ZNF740: variants seen among roughly 807,000 people sequenced by gnomAD.
The protein encoded by ZNF740 is zinc finger protein 740, also known as oriLyt TD-element-binding protein 7.
ZNF740 carries 14 observed loss-of-function variants against 24.8 expected under a neutral mutation model. The ratio of observed to expected loss-of-function variants is 0.56; its 90% CI spans 0.37 to 0.88. The LOEUF (loss-of-function observed/expected upper bound fraction) is 0.88, where lower values mean the gene tolerates loss of function less well. Among genes scored for constraint, ZNF740 ranks in the 40% least tolerant of loss-of-function variants. The probability of loss-of-function intolerance (pLI) is 0.00; values close to 1 mark genes in which losing one functional copy is unlikely to be tolerated. For missense variants in ZNF740, 201 were observed against 247.9 expected (o/e 0.81, Z 1.27); for synonymous variants, 69 against 84.0 (o/e 0.82, Z 0.98).
rs377127380 is a variant in ZNF740, at chr12:53,184,150, T to TGCGC, written c.10-732_10-729dup. ...GTGTGTGTGTGTGTGTGTGTGTGTGTGCGCGCGCGCGCTCTGAAGCTAAGG... is the reference window on the plus strand; with the variant it reads ...GTGTGTGTGTGTGTGTGTGTGTGTGTGCGCGCGCGCGCGCGCTCTGAAGCTAAGG... On this transcript the variant is annotated intron_variant, in intron 2 of 6. Coordinates refer to ENST00000416904, the MANE Select transcript of ZNF740 (RefSeq NM_001004304.4). Among the ~76,000 whole-genome samples the TGCGC allele has an allele frequency of 2.4e-3, 254 of 104,422 alleles. 2 individuals are homozygous for TGCGC. Among genetic ancestry groups the TGCGC allele is most frequent in the South Asian group, 0.012 (39 of 3,326 alleles). The allele number at this position is 104,422 out of a possible 152,430, so 68.5% of individuals were successfully genotyped here.
Position 53,191,493 on chromosome 12 carries a change from C to T in ZNF740, c.*3903C>T. 2 of 1,341,044 alleles carry T rather than the reference C, an allele frequency of 1.5e-6. No individual in the cohort carries two copies. Among genetic ancestry groups the T allele is most frequent in the Non-Finnish European group, 2.1e-6 (2 of 931,260 alleles). 83.1% of individuals were successfully genotyped at this position (1,341,044 alleles called of 1,614,324 possible). ...AAGGTCTTACAGACCCACCCTTCCT[C>T]TCACCCTCCAGTTCCCACTGTCCTC... On this transcript the variant is annotated 3_prime_UTR_variant, in exon 7 of 7. Transcript: ENST00000416904.
In ZNF740 at chr12:53,191,926, A is replaced by G. The variant is rs1565697014; in HGVS notation, c.*4336A>G. ...GTATTCCCGGCGGTCATAGATTTCC[A>G]CCGAGAGCCGGTAAGCCAGGACCAG... On this transcript the variant is annotated 3_prime_UTR_variant, in exon 7 of 7. Transcript: ENST00000416904. 6.2e-7 allele frequency: 1 copy of G among 1,610,938 alleles called. No individual in the cohort carries two copies. Among genetic ancestry groups the G allele is most frequent in the Non-Finnish European group, 8.5e-7 (1 of 1,179,938 alleles).
Position 53,193,746 on chromosome 12 carries a change from G to A in ZNF740, c.*6156G>A, listed in dbSNP as rs546463515. The A allele has an allele frequency of 4.3e-6, 7 of 1,613,964 alleles. No homozygotes were observed. In the South Asian group the frequency reaches 6.6e-5, roughly 15 times the overall value. ...ATTGTAGGTGTCCCTGGCCATCACT[G>A]CAGTGGGGAGCCTGGGGCTGGGTGT... On this transcript the variant is annotated 3_prime_UTR_variant, in exon 7 of 7. Transcript: ENST00000416904.
chr12:53,186,720 A>G (rs1216555042), intron 6 of ZNF740: 2 of 484,584 alleles, frequency 4.1e-6, no homozygotes, highest in African/African-American at 1.9e-5. Flanking sequence ...ATAGCATTCC[A>G]TATCACTTAC....
chr12:53,181,199 C>T (rs1316868924), intron 1 of ZNF740: 1 of 985,430 alleles, frequency 1.0e-6, no homozygotes, highest in African/African-American at 1.7e-5. Flanking sequence ...CCTGCCTGTC[C>T]TCCACCTCCG....
rs1181729916 is a variant in ZNF740 at position 53,190,152 on chromosome 12, G to A, written c.*2562G>A. The A allele has an allele frequency of 6.6e-6, 1 of 152,402 alleles. No individual in the cohort carries two copies. The highest frequency in any genetic ancestry group is 2.4e-5 in the African/African-American group (1 of 41,428). The allele number at this position is 152,402 out of a possible 1,614,324, so 9.4% of individuals were successfully genotyped here. On this transcript the variant is annotated 3_prime_UTR_variant, in exon 7 of 7. Transcript: ENST00000416904. The stretch of plus-strand genomic sequence containing the variant: ...GTTCAGTTCCCGCGCTGATGTCTGG[G>A]GCAGTGCATGTGTGAGAAGAGAGGC...
chr12:53,184,150 T>TGTGCGCGCGCGCGCGC (rs59250662), intron 2 of ZNF740, among the ~76,000 whole-genome samples: 2 of 104,346 alleles, frequency 1.9e-5, no homozygotes, highest in Admixed American at 9.9e-5. Flanking sequence ...TGTGTGTGTG[T>TGTGCGCGCGCGCGCGC]GCGCGCGCGC....
chr12:53,181,404 C>G (rs1941627014), intron 1 of ZNF740: 3 of 985,354 alleles, frequency 3.0e-6, no homozygotes, highest in South Asian at 4.7e-5. Context: ...GTCTCCGCCC[C>G]CTTCTTCCAT....
At position 53,193,871 on chromosome 12, in the gene ZNF740, G is replaced by C; in HGVS notation, c.*6281G>C. 6.2e-7 allele frequency: 1 copy of C among 1,613,618 alleles called. No individual in the cohort carries two copies. Among genetic ancestry groups the C allele is most frequent in the Non-Finnish European group, 8.5e-7 (1 of 1,179,794 alleles). Reference sequence around the variant, plus strand: ...AGGAGATGGGGCTCTGGGAGGCAGTGGGTGGCTTGGAGAGAAACCCAGAAA... The same window carrying C: ...AGGAGATGGGGCTCTGGGAGGCAGTCGGTGGCTTGGAGAGAAACCCAGAAA... On this transcript the variant is annotated 3_prime_UTR_variant, in exon 7 of 7. Transcript: ENST00000416904.
In ZNF740 at chr12:53,192,248, C is replaced by A; in HGVS notation, c.*4658C>A. 6.9e-7 allele frequency: 1 copy of A among 1,447,854 alleles called. No individual in the cohort carries two copies. The highest frequency in any genetic ancestry group is 1.2e-5 in the South Asian group (1 of 86,358). The allele number at this position is 1,447,854 out of a possible 1,614,324, so 89.7% of individuals were successfully genotyped here. A position where few individuals can be genotyped will look rare whatever the true frequency, so the allele number is the denominator to read the frequency against. ...TTCTGCTTCAGCCCCCAGCCTGTTTCCCATTATCTTCACTCTGCATCCCCA... is the reference window on the plus strand; with the variant it reads ...TTCTGCTTCAGCCCCCAGCCTGTTTACCATTATCTTCACTCTGCATCCCCA... On this transcript the variant is annotated 3_prime_UTR_variant, in exon 7 of 7. Transcript: ENST00000416904.
chr12:53,184,117 GTGTGT>G (rs1565690527), intron 2 of ZNF740, among the ~76,000 whole-genome samples: 42 of 103,930 alleles, frequency 4.0e-4, no homozygotes, highest in African/African-American at 1.6e-3. Context: ...GCTAAGGGGT[GTGTGT>G]GTGTGTGTGT....
rs142990216 is a variant in ZNF740, at chr12:53,184,431, C to T, written c.10-460C>T. ...TCGAACTCCTGACTTCGTGATCCGC[C>T]CGCCTCATTCTCCCAAAGTGCTGGG... On this transcript the variant is annotated intron_variant, in intron 2 of 6. Transcript: ENST00000416904. 3.0e-3 allele frequency among the ~76,000 whole-genome samples: 454 copies of T among 152,166 alleles called. 1 individual carries two copies. The highest frequency in any genetic ancestry group is 0.01 in the African/African-American group (429 of 41,488).
rs539312573 is a variant in ZNF740, at chr12:53,188,665, G to T, written c.*1075G>T. 6.6e-6 allele frequency: 1 copy of T among 152,210 alleles called. No individual in the cohort carries two copies. The highest frequency in any genetic ancestry group is 1.5e-5 in the Non-Finnish European group (1 of 68,052). The allele number at this position is 152,210 out of a possible 1,614,324, so 9.4% of individuals were successfully genotyped here. On this transcript the variant is annotated 3_prime_UTR_variant, in exon 7 of 7. Transcript: ENST00000416904. ...CCCCAAGTCCTATCACTGTATTCAG[G>T]TAGAGGAGGTAGGGAGGGGTCTGTC... is the stretch of plus-strand genomic sequence containing the variant.
intron 2 of ZNF740, among the ~76,000 whole-genome samples, chr12:53,183,078 A>G (rs1320106698): frequency 6.6e-6 from 1 of 152,176 alleles, no homozygotes; most frequent in Non-Finnish European, 1.5e-5. Context: ...CTGCTTCTGA[A>G]TGCACAGCTT....
At position 53,191,559 on chromosome 12, in the gene ZNF740, G is replaced by C. The variant is rs780906449; in HGVS notation, c.*3969G>C. ...TGGGTAAGTGTCCCTCCCTCCTTCA[G>C]AGAGTGGGACTGTCTGCCTCTTGAA... is the stretch of plus-strand genomic sequence containing the variant. On this transcript the variant is annotated 3_prime_UTR_variant, in exon 7 of 7. Coordinates refer to ENST00000416904, the MANE Select transcript of ZNF740 (RefSeq NM_001004304.4). 1.2e-6 allele frequency: 2 copies of C among 1,610,646 alleles called. No individual in the cohort carries two copies. Among genetic ancestry groups the C allele is most frequent in the Non-Finnish European group, 1.7e-6 (2 of 1,176,812 alleles).
chr12:53,184,150 T>TGCGTGC (rs1555175913), intron 2 of ZNF740, among the ~76,000 whole-genome samples: 1 of 104,346 alleles, frequency 9.6e-6, no homozygotes, highest in East Asian at 2.8e-4. Flanking sequence ...TGTGTGTGTG[T>TGCGTGC]GCGCGCGCGC....
rs368581723 is a variant in ZNF740, at chr12:53,192,326, T to C, written c.*4736T>C. ...CAGGGTTTGTGGCATCCCTGCCCACTTACTTTCTTGGGGTCTCACTCTGAG... is the reference window on the plus strand; with the variant it reads ...CAGGGTTTGTGGCATCCCTGCCCACCTACTTTCTTGGGGTCTCACTCTGAG... On this transcript the variant is annotated 3_prime_UTR_variant, in exon 7 of 7. Coordinates refer to ENST00000416904, the MANE Select transcript of ZNF740 (RefSeq NM_001004304.4). 3.1e-6 allele frequency: 5 copies of C among 1,613,824 alleles called. No homozygotes were observed. In the African/African-American group the frequency reaches 6.7e-5, roughly 22 times the overall value.
rs780478309 is a variant in ZNF740, at chr12:53,185,436, G to A, written c.209G>A (p.Ser70Asn). Residue 70 changes from serine to asparagine, a missense_variant, in exon 4 of 7, where the codon AGC becomes AAC. By Grantham distance (46) the Ser-to-Asn change is conservative. This residue lies in a region of ZNF740 where 117 missense variants were observed against 122.3 expected (regional missense o/e 0.96). Coordinates refer to ENST00000416904, the MANE Select transcript of ZNF740 (RefSeq NM_001004304.4). Reference protein sequence around the residue: ...DKSRSRKDDDSLSEASHSKKT... With the variant: ...DKSRSRKDDDNLSEASHSKKT... ...TCCCGGAGCCGCAAAGATGATGACA[G>A]CTTGTCTGAGGCCTCTCATTCAAAA... 1.9e-6 allele frequency: 3 copies of A among 1,613,962 alleles called. No individual in the cohort carries two copies. In the South Asian group the frequency reaches 3.3e-5, roughly 18 times the overall value.
At position 53,192,899 on chromosome 12, in the gene ZNF740, A is replaced by C; in HGVS notation, c.*5309A>C. On this transcript the variant is annotated 3_prime_UTR_variant, in exon 7 of 7. Coordinates refer to ENST00000416904, the MANE Select transcript of ZNF740 (RefSeq NM_001004304.4). ...TGACAGTGACATACTCCACATTGGC[A>C]GCGACCAAAGCCTGGGGTAGAGCCA... 6.2e-7 allele frequency: 1 copy of C among 1,614,000 alleles called. No homozygotes were observed. Among genetic ancestry groups the C allele is most frequent in the Middle Eastern group, 1.6e-4 (1 of 6,062 alleles).
Sources: gnomAD v4.1 joint callset for allele counts (sites outside exome capture counted in the v4.1 genomes callset) on GRCh38, gnomAD v4.1.1 for gene constraint, gnomAD v4.1.1 regional missense constraint, MANE v1.5 for transcripts, NCBI Gene and HGNC (gene_info 2026-07-23, HGNC 2026-07-21) for gene names.